The following KDF1 variants were observed in gnomAD, a reference collection of about 807,000 sequenced individuals.
KDF1 encodes the protein keratinocyte differentiation factor 1.
A neutral mutation model predicts 31.6 loss-of-function variants in KDF1; 11 were observed. The ratio of observed to expected loss-of-function variants is 0.35; its 90% confidence interval spans 0.22 to 0.58. KDF1 has a LOEUF of 0.58. Ranked by LOEUF, KDF1 falls within the 20% of genes least tolerant of loss-of-function variation. KDF1 has a pLI of 0.83. For synonymous variants in KDF1, 205 were observed against 214.4 expected (o/e 0.96, Z 0.38); for missense variants, 476 against 549.1 (o/e 0.87, Z 1.33).
At position 26,950,268 on chromosome 1, in the gene KDF1, T is replaced by A; in HGVS notation, c.1115-117A>T. 1.1e-6 allele frequency: 1 copy of A among 931,524 alleles called. No homozygotes were observed. The highest frequency in any genetic ancestry group is 1.7e-6 in the Non-Finnish European group (1 of 582,258). The allele number at this position is 931,524 out of a possible 1,614,324, so 57.7% of individuals were successfully genotyped here. ...AGAGTGGGACTTGAGCCTGGGTCAG[T>A]CTGATCCTGGCTGGATGACCCACTC... On this transcript the variant is annotated intron_variant, in intron 3 of 3. Transcript: ENST00000320567. This position sits in a 1 kb window ranked among gnomAD's most constrained non-coding sequence, Gnocchi z 4.0.
chr1:26,951,462 G>C lies in KDF1; in HGVS notation c.919C>G (p.Arg307Gly), dbSNP rs775113713. 1 of 1,613,876 alleles carries C rather than the reference G, an allele frequency of 6.2e-7. No homozygotes were observed. The highest frequency in any genetic ancestry group is 8.5e-7 in the Non-Finnish European group (1 of 1,179,904). Residue 307 changes from arginine to glycine, a missense_variant, in exon 2 of 4, where the codon CGA becomes GGA. By Grantham distance (125) the Arg-to-Gly change is moderately radical (BLOSUM62 -2). Transcript: ENST00000320567. The surrounding 1 kb of genome is among the most constrained non-coding windows in gnomAD (Gnocchi z 5.4). Reference sequence around the variant, plus strand: ...GTCTGTGGGCGAGCACGGCTCTTTCGGGTACTAATGCGAATGATGCCGCGT... The same window carrying C: ...GTCTGTGGGCGAGCACGGCTCTTTCCGGTACTAATGCGAATGATGCCGCGT... ...LVRGIIRIST[R>G]KSRARPQTSE... is the part of the protein sequence containing the mutation.
rs149105138 is a variant in KDF1, at chr1:26,950,728, C to G, written c.1068G>C (p.Thr356=). 2 of 1,613,808 alleles carry G rather than the reference C, an allele frequency of 1.2e-6. No individual in the cohort carries two copies. The highest frequency in any genetic ancestry group is 1.7e-5 in the Admixed American group (1 of 59,978). ...DELTVQISQE[T]TADAIARKLR... ...GCTTCCGGGCGATGGCATCTGCAGTCGTCTCCTGGGAGATCTGCACTGTCA... is the reference window on the plus strand; with the variant it reads ...GCTTCCGGGCGATGGCATCTGCAGTGGTCTCCTGGGAGATCTGCACTGTCA... Residue 356 remains threonine, a synonymous_variant, in exon 3 of 4, where the codon ACG becomes ACC. Transcript: ENST00000320567. The surrounding 1 kb of genome is among the most constrained non-coding windows in gnomAD (Gnocchi z 4.0).
At position 26,955,801 on chromosome 1, in the gene KDF1, A is replaced by G. The variant is rs188082411; in HGVS notation, c.-32-3389T>C. On this transcript the variant is annotated intron_variant, in intron 1 of 3. Transcript: ENST00000320567. Reference sequence around the variant, plus strand: ...GAAACCCTGTCTCTACTAAAAATACAAAAATTAGCTGGGCGTGGTGGAGCG... The same window carrying G: ...GAAACCCTGTCTCTACTAAAAATACGAAAATTAGCTGGGCGTGGTGGAGCG... Among the ~76,000 whole-genome samples, 266 of 152,264 alleles carry G rather than the reference A, an allele frequency of 1.7e-3. 1 individual carries two copies. In the East Asian group the frequency reaches 0.037, roughly 21 times the overall value.
Position 26,952,879 on chromosome 1 carries a change from G to A in KDF1, c.-32-467C>T, listed in dbSNP as rs191584496. ...GGTGCCTGTAATCCCAGCTACTTGGGAGGCTGAGGCAGGAGAATCGCTTGA... is the reference window on the plus strand; with the variant it reads ...GGTGCCTGTAATCCCAGCTACTTGGAAGGCTGAGGCAGGAGAATCGCTTGA... On this transcript the variant is annotated intron_variant, in intron 1 of 3. Transcript: ENST00000320567. The surrounding 1 kb of genome is among the most constrained non-coding windows in gnomAD (Gnocchi z 4.1). 9.9e-5 allele frequency among the ~76,000 whole-genome samples: 15 copies of A among 152,130 alleles called. No individual in the cohort carries two copies.
In KDF1 at chr1:26,950,135, A is replaced by G; in HGVS notation, c.1131T>C (p.His377=). 6.2e-7 allele frequency: 1 copy of G among 1,613,800 alleles called. No individual in the cohort carries two copies. Among genetic ancestry groups the G allele is most frequent in the Non-Finnish European group, 8.5e-7 (1 of 1,179,752 alleles). ...PYGAPGYPAS[H]DSSFQGTDTD... ...TGTCGGTGCCCTGGAAGGATGAGTC[A>G]TGGCTTGCTGGGTACCCTGGTAGGA... Residue 377 remains histidine, a synonymous_variant, in exon 4 of 4, where the codon CAT becomes CAC. Coordinates refer to ENST00000320567, the MANE Select transcript of KDF1 (RefSeq NM_152365.3). This position sits in a 1 kb window ranked among gnomAD's most constrained non-coding sequence, Gnocchi z 4.0.
At position 26,952,450 on chromosome 1, in the gene KDF1, G is replaced by A. The variant is rs185460503; in HGVS notation, c.-32-38C>T. ...AGGCCAGGAAGGAGTCAGGATCAGAGGTGAGGGACAAACTCCTGGGCTGAC... is the reference window on the plus strand; with the variant it reads ...AGGCCAGGAAGGAGTCAGGATCAGAAGTGAGGGACAAACTCCTGGGCTGAC... On this transcript the variant is annotated intron_variant, in intron 1 of 3. Coordinates refer to ENST00000320567, the MANE Select transcript of KDF1 (RefSeq NM_152365.3). This position sits in a 1 kb window ranked among gnomAD's most constrained non-coding sequence, Gnocchi z 4.1. 2.9e-6 allele frequency: 4 copies of A among 1,392,004 alleles called. No homozygotes were observed. Among genetic ancestry groups the A allele is most frequent in the African/African-American group, 2.9e-5 (2 of 69,346 alleles). 86.2% of individuals were successfully genotyped at this position (1,392,004 alleles called of 1,614,324 possible). A position where few individuals can be genotyped will look rare whatever the true frequency, so the allele number is the denominator to read the frequency against.
At chr1:26,954,041 A>T (rs1030706694) in intron 1 of KDF1, among the ~76,000 whole-genome samples, 9 of 151,798 alleles carry the variant, frequency 5.9e-5, no homozygotes, top group African/African-American at 2.2e-4. Context: ...CACAAAGTAG[A>T]ATGGTAGTTG....
rs150682718 is a variant in KDF1, at chr1:26,953,380, G to A, written c.-32-968C>T. On this transcript the variant is annotated intron_variant, in intron 1 of 3. Coordinates refer to ENST00000320567, the MANE Select transcript of KDF1 (RefSeq NM_152365.3). Reference sequence around the variant, plus strand: ...GTGGTTCCTCCAAAAATTAAACATCGAATTACCACACGACCCAGCAATTCC... The same window carrying A: ...GTGGTTCCTCCAAAAATTAAACATCAAATTACCACACGACCCAGCAATTCC... 3.3e-4 allele frequency among the ~76,000 whole-genome samples: 50 copies of A among 152,220 alleles called. 1 individual carries two copies. In the East Asian group the frequency reaches 8.5e-3, roughly 26 times the overall value.
In KDF1 at chr1:26,950,451, G is replaced by C. The variant is rs2082342522; in HGVS notation, c.1114+231C>G. Among the ~76,000 whole-genome samples, 1 of 152,188 alleles carries C rather than the reference G, an allele frequency of 6.6e-6. No individual in the cohort carries two copies. The highest frequency in any genetic ancestry group is 6.5e-5 in the Admixed American group (1 of 15,288). ...TGGCTCCCCACCCACTACTTTCCTA[G>C]TCATCTGGGCTTGAAGGTTGGGGTC... On this transcript the variant is annotated intron_variant, in intron 3 of 3. Coordinates refer to ENST00000320567, the MANE Select transcript of KDF1 (RefSeq NM_152365.3). This position sits in a 1 kb window ranked among gnomAD's most constrained non-coding sequence, Gnocchi z 4.0.
At chr1:26,958,868 C>T (rs1447350684) in intron 1 of KDF1, among the ~76,000 whole-genome samples, 1 of 152,114 alleles carries the variant, frequency 6.6e-6, no homozygotes, top group Non-Finnish European at 1.5e-5. Context: ...ACGTGGGGCT[C>T]CTGAGGATGG....
Position 26,952,275 on chromosome 1 carries a change from G to A in KDF1, c.106C>T (p.Pro36Ser), listed in dbSNP as rs761208100. The A allele has an allele frequency of 9.6e-6, 15 of 1,569,330 alleles. No individual in the cohort carries two copies. The highest frequency in any genetic ancestry group is 8.1e-5 in the African/African-American group (6 of 73,744). ...CLETYDKPPQ[P>S]PPSRRTRRPD... ...CTACGGGTGCGGCGGCTTGGTGGGG[G>A]CTGAGGTGGTTTATCATATGTCTCC... Residue 36 changes from proline (P) to serine (S), a missense_variant, in exon 2 of 4, where the codon CCC becomes TCC. By Grantham distance (74) the Pro-to-Ser change is moderately conservative (BLOSUM62 -1). Transcript: ENST00000320567. The surrounding 1 kb of genome is among the most constrained non-coding windows in gnomAD (Gnocchi z 4.1).
At position 26,952,281 on chromosome 1, in the gene KDF1, G is replaced by C. The variant is rs369334382; in HGVS notation, c.100C>G (p.Pro34Ala). The change falls in exon 2 of 4, where the codon CCT becomes GCT. Residue 34 changes from proline to alanine, a missense_variant. This residue lies in a region of KDF1 where 330 missense variants were observed against 332.3 expected (regional missense o/e 0.99). Coordinates refer to ENST00000320567, the MANE Select transcript of KDF1 (RefSeq NM_152365.3). The surrounding 1 kb of genome is among the most constrained non-coding windows in gnomAD (Gnocchi z 4.1). The part of the protein sequence containing the change: ...ELCLETYDKP[P>A]QPPPSRRTRR... ...GTGCGGCGGCTTGGTGGGGGCTGAG[G>C]TGGTTTATCATATGTCTCCAGACAT... is the stretch of plus-strand genomic sequence containing the variant. The C allele has an allele frequency of 2.6e-6, 4 of 1,565,776 alleles. No homozygotes were observed. In the African/African-American group the frequency reaches 5.4e-5, roughly 21 times the overall value.
At chr1:26,954,108 C>A (rs780257491) in intron 1 of KDF1, among the ~76,000 whole-genome samples, 1 of 151,750 alleles carries the variant, frequency 6.6e-6, no homozygotes, top group Non-Finnish European at 1.5e-5. Context: ...TAGGGAGTTT[C>A]AGCTGGGGTA....
rs2082357860 is a variant in KDF1, at chr1:26,952,589, TA to T, written c.-32-178del. 6.6e-6 allele frequency among the ~76,000 whole-genome samples: 1 copy of T among 152,058 alleles called. No homozygotes were observed. Among genetic ancestry groups the T allele is most frequent in the African/African-American group, 2.4e-5 (1 of 41,394 alleles). ...GGACCCAAGTATGCCCAAAAACCCT[TA>T]TCTCTTGTGGCCCTCCCTCCACAAA... On this transcript the variant is annotated intron_variant, in intron 1 of 3. Transcript: ENST00000320567. This position sits in a 1 kb window ranked among gnomAD's most constrained non-coding sequence, Gnocchi z 4.1.
At chr1:26,959,809 G>A (rs1020156018) in intron 1 of KDF1, among the ~76,000 whole-genome samples, 4 of 152,108 alleles carry the variant, frequency 2.6e-5, no homozygotes, top group African/African-American at 7.2e-5. Context: ...GACCACCCCA[G>A]TCCTGCTCGA....
chr1:26,950,546 G>A lies in KDF1; in HGVS notation c.1114+136C>T, dbSNP rs571098456. On this transcript the variant is annotated intron_variant, in intron 3 of 3. Transcript: ENST00000320567. This position sits in a 1 kb window ranked among gnomAD's most constrained non-coding sequence, Gnocchi z 4.0. ...AAGCCAGCTTGCTAGATGGAGACAG[G>A]TCTGTGGCTGCTTAGGTCCCCGTCC... is the stretch of plus-strand genomic sequence containing the variant. 3 of 752,328 alleles carry A rather than the reference G, an allele frequency of 4.0e-6. No individual in the cohort carries two copies. The African/African-American group carries it at 5.2e-5, about 13-fold the overall frequency. The allele number at this position is 752,328 out of a possible 1,614,324, so 46.6% of individuals were successfully genotyped here. A position where few individuals can be genotyped will look rare whatever the true frequency, so the allele number is the denominator to read the frequency against.
rs947206119 is a variant in KDF1 at position 26,960,039 on chromosome 1, C to T, written c.-33+311G>A. Among the ~76,000 whole-genome samples, 4 of 152,202 alleles carry T rather than the reference C, an allele frequency of 2.6e-5. No homozygotes were observed. The highest frequency in any genetic ancestry group is 9.6e-5 in the African/African-American group (4 of 41,456). Reference sequence around the variant, plus strand: ...CCCGCGGGCGGACCCAGCCTCCCTCCCGTCCCGACGCTGTTCCTCGGGGTG... The same window carrying T: ...CCCGCGGGCGGACCCAGCCTCCCTCTCGTCCCGACGCTGTTCCTCGGGGTG... On this transcript the variant is annotated intron_variant, in intron 1 of 3. Coordinates refer to ENST00000320567, the MANE Select transcript of KDF1 (RefSeq NM_152365.3). This position sits in a 1 kb window ranked among gnomAD's most constrained non-coding sequence, Gnocchi z 4.9.
At chr1:26,957,893 C>T (rs975615792) in intron 1 of KDF1, among the ~76,000 whole-genome samples, 1 of 152,096 alleles carries the variant, frequency 6.6e-6, no homozygotes, top group Non-Finnish European at 1.5e-5. Flanking sequence ...TGGCTCACTG[C>T]AACCTCTGCC....
rs1305118683 is a variant in KDF1 at position 26,951,519 on chromosome 1, G to A, written c.862C>T (p.Leu288=). The A allele has an allele frequency of 6.2e-7, 1 of 1,613,150 alleles. No individual in the cohort carries two copies. Among genetic ancestry groups the A allele is most frequent in the Non-Finnish European group, 8.5e-7 (1 of 1,179,310 alleles). The change falls in exon 2 of 4, where the codon CTG becomes TTG. Residue 288 remains leucine (L), a synonymous_variant. Coordinates refer to ENST00000320567, the MANE Select transcript of KDF1 (RefSeq NM_152365.3). This position sits in a 1 kb window ranked among gnomAD's most constrained non-coding sequence, Gnocchi z 5.4. ...CGGCCCTCAGCATCCTGCTCATCCA[G>A]GTGGTAGTCCTGCGTGATGCTGCTG... ...LISSITQDYH[L]DEQDAEGRLV...
Sources: gnomAD v4.1 joint callset for allele counts (sites outside exome capture counted in the v4.1 genomes callset) on GRCh38, gnomAD v4.1.1 for gene constraint, gnomAD v4.1.1 regional missense constraint, Gnocchi (gnomAD v3.1) non-coding constraint, MANE v1.5 for transcripts, NCBI Gene and HGNC (gene_info 2026-07-23, HGNC 2026-07-21) for gene names.